Variants in VPS53 observed in about 807,000 individuals in gnomAD.
The protein encoded by VPS53 is VPS53 subunit of GARP complex.
Under a neutral mutation model 107.0 loss-of-function variants are expected in VPS53, and 70 were observed. That is an observed-to-expected ratio of 0.65 (90% confidence interval 0.54 to 0.80). The LOEUF is 0.80. Ranked by LOEUF, VPS53 falls within the 30% of genes least tolerant of loss-of-function variation. VPS53 has a pLI of 0.00. For synonymous variants in VPS53, 409 were observed against 393.3 expected (o/e 1.04, Z -0.47); for missense variants, 917 against 1,049.4 (o/e 0.87, Z 1.74).
chr17:535,743 C>T (rs191538872), intron 18 of VPS53, among the ~76,000 whole-genome samples: 1 of 152,292 alleles, frequency 6.6e-6, no homozygotes, highest in African/African-American at 2.4e-5. Context: ...GGAATTTCAC[C>T]TCCTGGTCCA....
chr17:542,449 T>C (rs889297649), intron 17 of VPS53, among the ~76,000 whole-genome samples: 2 of 152,136 alleles, frequency 1.3e-5, no homozygotes, highest in African/African-American at 4.8e-5. Context: ...GTCTATAAAA[T>C]TGGGATGATG....
intron 11 of VPS53, among the ~76,000 whole-genome samples, chr17:621,585 CT>C (rs1969468735): frequency 1.3e-5 from 2 of 152,156 alleles, no homozygotes; most frequent in African/African-American, 4.8e-5. Context: ...TAATTTTTTT[CT>C]GTTTGCAAAC....
chr17:586,533 C>A (rs1967328249), intron 12 of VPS53, among the ~76,000 whole-genome samples, 169 bp from the exon 13 acceptor site: 1 of 152,186 alleles, frequency 6.6e-6, no homozygotes, highest in Non-Finnish European at 1.5e-5. Flanking sequence ...TGAAGAAAAA[C>A]CAGCTTTGTT....
At chr17:713,469 A>G (rs1457337406) in intron 1 of VPS53, among the ~76,000 whole-genome samples, 1 of 151,454 alleles carries the variant, frequency 6.6e-6, no homozygotes, top group Non-Finnish European at 1.5e-5. Flanking sequence ...CCTGGCCAAC[A>G]TGGTGAAACC....
intron 13 of VPS53, among the ~76,000 whole-genome samples, chr17:574,870 AG>A (rs1283341022): frequency 6.6e-6 from 1 of 150,502 alleles, no homozygotes. Flanking sequence ...AGAGTCATCC[AG>A]GGGGGTTCCT....
intron 4 of VPS53, among the ~76,000 whole-genome samples, chr17:689,975 C>T (rs1270767936): frequency 6.6e-6 from 1 of 152,036 alleles, no homozygotes; most frequent in Non-Finnish European, 1.5e-5. Flanking sequence ...AAGAAACAGC[C>T]CCGGACGACA....
In VPS53 at chr17:630,393, C is replaced by T. The variant is rs78139873; in HGVS notation, c.687+1157G>A. The stretch of plus-strand genomic sequence containing the variant: ...AGAAGAGCCCAGTGCTTCTCATGAG[C>T]GAATATCCCCACAATCCCTTTTCAC... On this transcript the variant is annotated intron_variant, in intron 8 of 21. Coordinates refer to ENST00000437048, the MANE Select transcript of VPS53 (RefSeq NM_001128159.3). 2.3e-3 allele frequency among the ~76,000 whole-genome samples: 344 copies of T among 152,136 alleles called. 9 individuals are homozygous for T. In the East Asian group the frequency reaches 0.055, roughly 24 times the overall value.
chr17:643,903 G>A (rs1970569731), intron 7 of VPS53, among the ~76,000 whole-genome samples: 2 of 152,226 alleles, frequency 1.3e-5, no homozygotes, highest in African/African-American at 4.8e-5. Context: ...GAGCTGTGCA[G>A]GCCTGTCCAT....
intron 7 of VPS53, among the ~76,000 whole-genome samples, chr17:633,822 A>C (rs1291715185): frequency 6.6e-6 from 1 of 152,208 alleles, no homozygotes; most frequent in Non-Finnish European, 1.5e-5. Flanking sequence ...GAGAGAAAAG[A>C]ATAAAATTGT....
At chr17:571,842 G>A (rs1382866883) in intron 13 of VPS53, among the ~76,000 whole-genome samples, 8 of 152,260 alleles carry the variant, frequency 5.3e-5, no homozygotes, top group Non-Finnish European at 1.0e-4. Context: ...GGTTCACTCA[G>A]TGCTCAATGG....
chr17:533,437 C>T (rs1228879518), intron 18 of VPS53, among the ~76,000 whole-genome samples: 1 of 152,150 alleles, frequency 6.6e-6, no homozygotes, highest in African/African-American at 2.4e-5. Context: ...CTGTCTCCAG[C>T]CTCATCCTGC....
chr17:706,834 A>G (rs1973424468), intron 2 of VPS53, among the ~76,000 whole-genome samples: 1 of 152,076 alleles, frequency 6.6e-6, no homozygotes, highest in South Asian at 2.1e-4. Flanking sequence ...GGTTCTCTCT[A>G]TCCCACAGCT....
chr17:569,102 G>T (rs1434055214), intron 13 of VPS53, among the ~76,000 whole-genome samples: 2 of 152,150 alleles, frequency 1.3e-5, no homozygotes, highest in Non-Finnish European at 2.9e-5. Flanking sequence ...CAAAAGTACA[G>T]GATAAGCCTA....
At chr17:699,259 A>G (rs1973107105) in intron 3 of VPS53, 72 bp downstream of exon 3, 2 of 1,272,716 alleles carry the variant, frequency 1.6e-6, no homozygotes, top group Non-Finnish European at 2.1e-6. Flanking sequence ...GAAAAATGTG[A>G]TCCAGAATGT....
At position 611,825 on chromosome 17, in the gene VPS53, G is replaced by A. The variant is rs528803523; in HGVS notation, c.1117-9929C>T. Among the ~76,000 whole-genome samples the A allele has an allele frequency of 2.6e-5, 4 of 152,086 alleles. No individual in the cohort carries two copies. In the South Asian group the frequency reaches 8.3e-4, roughly 32 times the overall value. The stretch of plus-strand genomic sequence containing the variant: ...AGATATTCACAGCAGTATTCAAATA[G>A]TGAATTCACACAGTGAAAACCTGTA... On this transcript the variant is annotated intron_variant, in intron 11 of 21. Coordinates refer to ENST00000437048, the MANE Select transcript of VPS53 (RefSeq NM_001128159.3).
At chr17:623,742 T>C in intron 10 of VPS53, 68 bp from the exon 11 acceptor site, 1 of 1,482,436 alleles carries the variant, frequency 6.7e-7, no homozygotes, top group Non-Finnish European at 9.1e-7. Flanking sequence ...ATAAGGTAAA[T>C]GGCCTTAGCT....
intron 2 of VPS53, among the ~76,000 whole-genome samples, chr17:701,415 G>A (rs1973192775): frequency 6.6e-6 from 1 of 151,908 alleles, no homozygotes; most frequent in East Asian, 1.9e-4. Flanking sequence ...GACTAGCTCT[G>A]TCACCAGGCT....
chr17:655,701 A>G (rs1971161122), intron 6 of VPS53, 137 bp downstream of exon 6: 2 of 755,194 alleles, frequency 2.6e-6, no homozygotes, highest in Non-Finnish European at 4.2e-6. Flanking sequence ...ATGGTGACTG[A>G]ACACTTGAAG....
intron 3 of VPS53, among the ~76,000 whole-genome samples, chr17:698,009 C>T (rs971764779): frequency 2.0e-5 from 3 of 152,162 alleles, no homozygotes; most frequent in African/African-American, 7.2e-5. Context: ...ACCACCCAAC[C>T]CACCAGCAGA....
Sources: allele counts gnomAD v4.1 joint callset (sites outside exome capture counted in the v4.1 genomes callset), GRCh38; gene constraint gnomAD v4.1.1; transcripts MANE v1.5; gene names NCBI Gene and HGNC (gene_info 2026-07-23, HGNC 2026-07-21).